Variants in EPB41L5 observed in about 807,000 individuals in gnomAD.
EPB41L5 encodes the protein band 4.1-like protein 5.
Under a neutral mutation model 106.6 loss-of-function variants are expected in EPB41L5, and 55 were observed. The observed-to-expected ratio is 0.52, with a 90% CI of 0.42 to 0.65. The LOEUF (loss-of-function observed/expected upper bound fraction) is 0.65. Among genes scored for constraint, EPB41L5 ranks in the 30% least tolerant of loss-of-function variants. The pLI, the probability that EPB41L5 is intolerant of heterozygous loss-of-function variation, is 0.00. For synonymous variants in EPB41L5, 297 were observed against 306.7 expected (o/e 0.97, Z 0.33); for missense variants, 871 against 882.1 (o/e 0.99, Z 0.16).
At chr2:120,070,946 C>T (rs899917511) in intron 3 of EPB41L5, among the ~76,000 whole-genome samples, 1 of 152,186 alleles carries the variant, frequency 6.6e-6, no homozygotes, top group East Asian at 1.9e-4. Context: ...GATGCCGTCT[C>T]TCACCACTCC....
chr2:120,034,251 A>G (rs547876245), intron 2 of EPB41L5, among the ~76,000 whole-genome samples: 97 of 152,244 alleles, frequency 6.4e-4, no homozygotes, highest in Non-Finnish European at 1.2e-3. Context: ...GCAGAAGCCC[A>G]TTCTTTCTCA....
intron 16 of EPB41L5, among the ~76,000 whole-genome samples, chr2:120,111,368 C>T (rs1456901126): frequency 3.3e-5 from 5 of 152,152 alleles, no homozygotes; most frequent in Non-Finnish European, 2.9e-5. Flanking sequence ...TTTGTAGCTT[C>T]GTAAGTGGCA....
In EPB41L5 at chr2:120,176,581, T is replaced by G. The variant is rs756942346; in HGVS notation, c.*1674T>G. 3.3e-5 allele frequency: 5 copies of G among 152,248 alleles called. No individual in the cohort carries two copies. The highest frequency in any genetic ancestry group is 7.3e-5 in the Non-Finnish European group (5 of 68,056). 9.4% of individuals were successfully genotyped at this position (152,248 alleles called of 1,614,324 possible). On this transcript the variant is annotated 3_prime_UTR_variant, in exon 25 of 25. Coordinates refer to ENST00000263713, the MANE Select transcript of EPB41L5 (RefSeq NM_020909.4). ...ACACTTCTTGCTGGCTGCCTCCCCT[T>G]AGCCATTATGCTAAAAACAGCTTCT...
chr2:120,104,529 GTA>G, intron 16 of EPB41L5: 2 of 1,039,680 alleles, frequency 1.9e-6, no homozygotes, highest in Non-Finnish European at 2.3e-6. Flanking sequence ...TCACCAGACT[GTA>G]TCTCAGGAGA....
At chr2:120,104,565 G>A (rs1684340014) in intron 16 of EPB41L5, 9 of 1,006,660 alleles carry the variant, frequency 8.9e-6, no homozygotes, top group Non-Finnish European at 1.1e-5. Flanking sequence ...TGAACAAGGT[G>A]CCCATTATTC....
At chr2:120,111,751 G>T (rs1393979131) in intron 16 of EPB41L5, among the ~76,000 whole-genome samples, 1 of 152,028 alleles carries the variant, frequency 6.6e-6, no homozygotes, top group African/African-American at 2.4e-5. Context: ...CCTTTCAGCA[G>T]CTGTAGTGAT....
rs766588578 is a variant in EPB41L5, at chr2:120,160,855, A to G, written c.1794-26A>G. On this transcript the variant is annotated intron_variant, in intron 20 of 24. Coordinates refer to ENST00000263713, the MANE Select transcript of EPB41L5 (RefSeq NM_020909.4). ...CCTGTACCTGTACAGGTCCTACATG[A>G]TGTGAATTTATCTTTTTCTTCCTAG... The G allele has an allele frequency of 1.9e-6, 3 of 1,550,288 alleles. No individual in the cohort carries two copies. The South Asian group carries it at 3.3e-5, about 17-fold the overall frequency.
chr2:120,107,561 G>A (rs1490626280), intron 16 of EPB41L5, among the ~76,000 whole-genome samples: 3 of 151,952 alleles, frequency 2.0e-5, no homozygotes, highest in African/African-American at 7.3e-5. Context: ...ATTCTGCGGT[G>A]GGGAAACAAC....
rs78696995 is a variant in EPB41L5, at chr2:120,102,181, C to T, written c.1337+1367C>T. ...TCTGATTAGTTGGGATACTATATTA[C>T]GACACTGAATCTTTGAGTTTTTCCA... On this transcript the variant is annotated intron_variant, in intron 16 of 24. Coordinates refer to ENST00000263713, the MANE Select transcript of EPB41L5 (RefSeq NM_020909.4). Among the ~76,000 whole-genome samples, 141 of 152,234 alleles carry T rather than the reference C, an allele frequency of 9.3e-4. No homozygotes were observed. In the East Asian group the frequency reaches 0.021, roughly 23 times the overall value.
intron 3 of EPB41L5, among the ~76,000 whole-genome samples, chr2:120,056,927 C>T (rs1680693281): frequency 6.6e-6 from 1 of 152,080 alleles, no homozygotes; most frequent in Admixed American, 6.6e-5. Context: ...GACAGGGTCT[C>T]ACTTTGTCAC....
intron 14 of EPB41L5, among the ~76,000 whole-genome samples, chr2:120,095,033 G>A (rs1356482012): frequency 1.3e-5 from 2 of 152,080 alleles, no homozygotes; most frequent in Non-Finnish European, 2.9e-5. Flanking sequence ...TCTGAGTGGA[G>A]TGTTTCATAG....
At chr2:120,161,054 G>A (rs1687122209) in intron 21 of EPB41L5, 80 bp downstream of exon 21, 3 of 974,034 alleles carry the variant, frequency 3.1e-6, no homozygotes, top group South Asian at 2.6e-5. Context: ...AGGGCATCTA[G>A]TGATTACTGA....
intron 18 of EPB41L5, among the ~76,000 whole-genome samples, chr2:120,141,138 T>C (rs2105490097): frequency 6.6e-6 from 1 of 152,224 alleles, no homozygotes; most frequent in South Asian, 2.1e-4. Context: ...TGACATGCCT[T>C]ATGTACTGTT....
chr2:120,173,428 C>T (rs765276602), intron 24 of EPB41L5, among the ~76,000 whole-genome samples: 15 of 152,158 alleles, frequency 9.9e-5, no homozygotes, highest in Non-Finnish European at 2.2e-4. Context: ...GCTCCACCCT[C>T]ATAGTCTGAT....
chr2:120,166,335 C>T (rs1282923681), intron 22 of EPB41L5, among the ~76,000 whole-genome samples: 2 of 152,168 alleles, frequency 1.3e-5, no homozygotes, highest in Non-Finnish European at 2.9e-5. Flanking sequence ...TAAGAATTAA[C>T]TGCAAGTGTG....
intron 3 of EPB41L5, among the ~76,000 whole-genome samples, chr2:120,062,273 A>G (rs867994209): frequency 1.7e-4 from 26 of 152,340 alleles, no homozygotes; most frequent in Middle Eastern, 3.4e-3. Flanking sequence ...TTAAATGTAT[A>G]TATGTGTATA....
intron 20 of EPB41L5, among the ~76,000 whole-genome samples, chr2:120,152,621 C>T (rs1192212283): frequency 6.6e-6 from 1 of 152,166 alleles, no homozygotes; most frequent in East Asian, 1.9e-4. Flanking sequence ...GGCCTCATAG[C>T]ATGATTTAGG....
At chr2:120,078,179 A>G (rs544322223) in intron 9 of EPB41L5, among the ~76,000 whole-genome samples, 1 of 152,316 alleles carries the variant, frequency 6.6e-6, no homozygotes, top group African/African-American at 2.4e-5. Flanking sequence ...TCCAAAATAC[A>G]TGATTTAAGT....
intron 3 of EPB41L5, among the ~76,000 whole-genome samples, chr2:120,068,277 G>A (rs1389687251): frequency 3.9e-5 from 6 of 152,192 alleles, no homozygotes; most frequent in African/African-American, 4.8e-5. Context: ...CATGGTCTTC[G>A]CCACCTGCAG....
Sources: gnomAD v4.1 joint callset for allele counts (sites outside exome capture counted in the v4.1 genomes callset) on GRCh38, gnomAD v4.1.1 for gene constraint, MANE v1.5 for transcripts, NCBI Gene and HGNC (gene_info 2026-07-23, HGNC 2026-07-21) for gene names.